Variants in SUPT3H observed in about 807,000 individuals in gnomAD.
SUPT3H encodes SPT3 homolog, SAGA and STAGA complex component.
A neutral mutation model predicts 44.3 loss-of-function variants in SUPT3H; 44 were observed. That is an observed-to-expected ratio of 0.99 (90% CI 0.78 to 1.28). The LOEUF is 1.28. Among genes scored for constraint, SUPT3H ranks in the 50% most tolerant of loss-of-function variants. The pLI is 0.00. For missense variants in SUPT3H, 380 were observed against 387.1 expected (o/e 0.98, Z 0.15); for synonymous variants, 124 against 125.6 (o/e 0.99, Z 0.09).
chr6:45,041,018 G>C (rs1788448051), intron 3 of SUPT3H, among the ~76,000 whole-genome samples: 1 of 152,120 alleles, frequency 6.6e-6, no homozygotes, highest in South Asian at 2.1e-4. Flanking sequence ...ACTAAAGTGA[G>C]CTTTAGTTTT....
chr6:45,228,771 C>T (rs1767403834), intron 2 of SUPT3H, among the ~76,000 whole-genome samples: 1 of 152,018 alleles, frequency 6.6e-6, no homozygotes, highest in Non-Finnish European at 1.5e-5. Context: ...CCCAAAGAAG[C>T]TGGGACTACA....
intron 6 of SUPT3H, among the ~76,000 whole-genome samples, chr6:44,995,553 C>T (rs926092055): frequency 6.6e-6 from 1 of 152,056 alleles, no homozygotes; most frequent in Non-Finnish European, 1.5e-5. Flanking sequence ...TGGCAACAAG[C>T]GCCTTCTCTA....
At chr6:45,085,115 A>C (rs751165287) in intron 3 of SUPT3H, among the ~76,000 whole-genome samples, 10 of 152,180 alleles carry the variant, frequency 6.6e-5, no homozygotes, top group Admixed American at 1.3e-4. Flanking sequence ...TCTGAAATAA[A>C]AGTTGAAATT....
At chr6:45,066,148 G>A (rs1364980233) in intron 3 of SUPT3H, among the ~76,000 whole-genome samples, 2 of 141,562 alleles carry the variant, frequency 1.4e-5, no homozygotes, top group Admixed American at 7.2e-5. Context: ...ATGCAAGGCT[G>A]GTTCAATATA....
At chr6:45,033,480 G>T (rs182120063) in intron 3 of SUPT3H, among the ~76,000 whole-genome samples, 11 of 152,098 alleles carry the variant, frequency 7.2e-5, no homozygotes, top group Non-Finnish European at 1.2e-4. Flanking sequence ...AAACCAAGAA[G>T]AAAACAAATG....
At chr6:45,136,617 A>C (rs74840607) in intron 2 of SUPT3H, among the ~76,000 whole-genome samples, 2 of 151,996 alleles carry the variant, frequency 1.3e-5, no homozygotes, top group East Asian at 1.9e-4. Context: ...AAAAAAAAAA[A>C]CAGAAATTCT....
chr6:45,317,594 G>A (rs1172947705), intron 2 of SUPT3H, among the ~76,000 whole-genome samples: 1 of 152,072 alleles, frequency 6.6e-6, no homozygotes, highest in Non-Finnish European at 1.5e-5. Context: ...ATGAGGGAAG[G>A]ATAGTCTCTT....
chr6:45,213,053 C>T (rs1323708695), intron 2 of SUPT3H, among the ~76,000 whole-genome samples: 1 of 152,144 alleles, frequency 6.6e-6, no homozygotes, highest in Non-Finnish European at 1.5e-5. Flanking sequence ...ACCAAGCTCC[C>T]ACCAATATTC....
chr6:45,166,002 T>C (rs548860733), intron 2 of SUPT3H, among the ~76,000 whole-genome samples: 15 of 152,216 alleles, frequency 9.9e-5, no homozygotes, highest in Admixed American at 9.2e-4. Context: ...GACTAAATAA[T>C]GAAATGTAGG....
chr6:45,162,255 T>A (rs1007687274), intron 2 of SUPT3H, among the ~76,000 whole-genome samples: 1 of 151,414 alleles, frequency 6.6e-6, no homozygotes, highest in African/African-American at 2.4e-5. Context: ...AAGAGCCAGG[T>A]GTAGTGCTTG....
chr6:44,989,454 T>C (rs934970810), intron 6 of SUPT3H, among the ~76,000 whole-genome samples: 1 of 152,160 alleles, frequency 6.6e-6, no homozygotes, highest in African/African-American at 2.4e-5. Flanking sequence ...TGAATTATGC[T>C]GCAATGAACA....
At chr6:45,063,120 G>A (rs9472431) in intron 3 of SUPT3H, among the ~76,000 whole-genome samples, 129,999 of 133,868 alleles carry the variant, frequency 0.97, 63,112 homozygotes, top group Middle Eastern at 1. Flanking sequence ...ATCTGAGAAC[G>A]GGCAGACTGC....
chr6:44,813,434 C>T (rs9472369), intron 11 of SUPT3H, among the ~76,000 whole-genome samples: 33 of 152,188 alleles, frequency 2.2e-4, no homozygotes, highest in African/African-American at 7.5e-4. Flanking sequence ...GATCCTCCCC[C>T]CTACCTTGGC....
intron 3 of SUPT3H, among the ~76,000 whole-genome samples, chr6:45,080,308 T>A (rs917742536): frequency 3.3e-5 from 5 of 152,158 alleles, no homozygotes; most frequent in Non-Finnish European, 7.4e-5. Flanking sequence ...GGTGAGAATG[T>A]GGAGGAAAGG....
At chr6:45,280,345 T>C (rs903054144) in intron 2 of SUPT3H, among the ~76,000 whole-genome samples, 2 of 151,534 alleles carry the variant, frequency 1.3e-5, no homozygotes. Flanking sequence ...CTACTAAAAA[T>C]ACAAAAAAAA....
At chr6:45,014,240 T>G (rs1222338823) in intron 5 of SUPT3H, among the ~76,000 whole-genome samples, 1 of 152,088 alleles carries the variant, frequency 6.6e-6, no homozygotes, top group Non-Finnish European at 1.5e-5. Context: ...TTGAAATGAA[T>G]GAGAGGACAT....
intron 10 of SUPT3H, among the ~76,000 whole-genome samples, chr6:44,830,618 A>C (rs1183493311): frequency 6.6e-6 from 1 of 152,192 alleles, no homozygotes; most frequent in Non-Finnish European, 1.5e-5. Flanking sequence ...GGGTCTCTGT[A>C]ACATCCTGAA....
At chr6:45,196,486 T>C (rs954640491) in intron 2 of SUPT3H, among the ~76,000 whole-genome samples, 1 of 152,010 alleles carries the variant, frequency 6.6e-6, no homozygotes, top group African/African-American at 2.4e-5. Flanking sequence ...AGCTGGGTGG[T>C]ATTTTTGTGT....
chr6:45,042,512 A>G (rs1189575934), intron 3 of SUPT3H, among the ~76,000 whole-genome samples: 1 of 152,214 alleles, frequency 6.6e-6, no homozygotes, highest in African/African-American at 2.4e-5. Flanking sequence ...TGTCTGGAAT[A>G]GGGCAGATAC....
Sources: allele counts gnomAD v4.1 joint callset (sites outside exome capture counted in the v4.1 genomes callset), GRCh38; gene constraint gnomAD v4.1.1; transcripts MANE v1.5; gene names NCBI Gene and HGNC (gene_info 2026-07-23, HGNC 2026-07-21).